PGM2L1: variants seen among roughly 807,000 people sequenced by gnomAD.
PGM2L1 encodes glucose 1,6-bisphosphate synthase.
In PGM2L1, 35 loss-of-function variants were observed where a neutral mutation model predicts 73.4. That is an observed-to-expected ratio of 0.48 (90% CI 0.36 to 0.63). The LOEUF is 0.63. Among genes scored for constraint, PGM2L1 ranks in the 30% least tolerant of loss-of-function variants. The probability of loss-of-function intolerance (pLI) is 0.00; values close to 1 mark genes in which losing one functional copy is unlikely to be tolerated. For synonymous variants in PGM2L1, 225 were observed against 253.8 expected, an observed-to-expected ratio of 0.89 and a Z score of 1.08; for missense variants, 570 against 742.0, an observed-to-expected ratio of 0.77 and a Z score of 2.69.
At chr11:74,341,705 A>G (rs1862185221) in intron 12 of PGM2L1, among the ~76,000 whole-genome samples, 1 of 151,772 alleles carries the variant, frequency 6.6e-6, no homozygotes, top group African/African-American at 2.4e-5. Flanking sequence ...GAAAAAAAAA[A>G]AAAAAAAAAA....
intron 5 of PGM2L1, among the ~76,000 whole-genome samples, chr11:74,356,065 T>A (rs648157): frequency 2.6e-5 from 4 of 151,984 alleles, no homozygotes; most frequent in African/African-American, 4.8e-5. Context: ...TTTTTTTTTT[T>A]AATGTGCTGT....
At chr11:74,386,596 C>T (rs1298783396) in intron 1 of PGM2L1, among the ~76,000 whole-genome samples, 1 of 152,064 alleles carries the variant, frequency 6.6e-6, no homozygotes, top group Non-Finnish European at 1.5e-5. Flanking sequence ...CCACCTAAGC[C>T]TCCCAAGTAG....
Position 74,335,383 on chromosome 11 carries a change from G to A in PGM2L1, c.*1269C>T, listed in dbSNP as rs898658877. The stretch of plus-strand genomic sequence containing the variant: ...GATCCACCTGCCTCAGCCTCCCAAA[G>A]TGCTGGGATTACAGGCGTGAGCCAC... On this transcript the variant is annotated 3_prime_UTR_variant, in exon 14 of 14. Transcript: ENST00000298198. 2.6e-5 allele frequency: 4 copies of A among 152,168 alleles called. No individual in the cohort carries two copies. The highest frequency in any genetic ancestry group is 5.9e-5 in the Non-Finnish European group (4 of 68,056). The allele number at this position is 152,168 out of a possible 1,614,324, so 9.4% of individuals were successfully genotyped here.
At chr11:74,349,959 A>G (rs1230766521) in intron 6 of PGM2L1, among the ~76,000 whole-genome samples, 1 of 152,184 alleles carries the variant, frequency 6.6e-6, no homozygotes, top group Non-Finnish European at 1.5e-5. Flanking sequence ...CACTAGAAAT[A>G]CATAGTCAAT....
chr11:74,365,848 A>C (rs546803124), intron 5 of PGM2L1, among the ~76,000 whole-genome samples: 1 of 152,266 alleles, frequency 6.6e-6, no homozygotes, highest in South Asian at 2.1e-4. Flanking sequence ...TTGACCCAGC[A>C]ATCCCATTAC....
At chr11:74,377,342 C>T (rs1318407485) in intron 1 of PGM2L1, among the ~76,000 whole-genome samples, 3 of 152,016 alleles carry the variant, frequency 2.0e-5, no homozygotes, top group Non-Finnish European at 2.9e-5. Flanking sequence ...ACCGTGTTAG[C>T]CAGGATGGTC....
At chr11:74,353,182 T>TTTG (rs1034197121) in intron 5 of PGM2L1, among the ~76,000 whole-genome samples, 11 of 151,698 alleles carry the variant, frequency 7.3e-5, no homozygotes, top group Admixed American at 2.6e-4. Context: ...GAATGTTTTT[T>TTTG]TGTGTGTGTG....
intron 5 of PGM2L1, among the ~76,000 whole-genome samples, chr11:74,358,943 C>T (rs987290440): frequency 6.6e-6 from 1 of 152,066 alleles, no homozygotes; most frequent in Non-Finnish European, 1.5e-5. Flanking sequence ...AAAAATCTAT[C>T]CTATAGATCA....
chr11:74,396,665 C>G (rs938689518), intron 1 of PGM2L1, among the ~76,000 whole-genome samples: 13 of 152,168 alleles, frequency 8.5e-5, no homozygotes, highest in African/African-American at 3.1e-4. Context: ...CCACCCGCCT[C>G]GGCCTCCCAA....
chr11:74,378,357 A>G (rs1056365844), intron 1 of PGM2L1, among the ~76,000 whole-genome samples: 2 of 152,186 alleles, frequency 1.3e-5, no homozygotes, highest in Admixed American at 1.3e-4. Context: ...ATTATATAAA[A>G]TGAAAATTAA....
chr11:74,331,104 G>A lies in PGM2L1; in HGVS notation c.*5548C>T, dbSNP rs1175993580. ...ATGGATATGAAAAATAATAAACCAC[G>A]ATTCCTACTCTCGGGACTGAGCATC... On this transcript the variant is annotated 3_prime_UTR_variant, in exon 14 of 14. Transcript: ENST00000298198. The A allele has an allele frequency of 2.6e-5, 4 of 152,068 alleles. No homozygotes were observed. Among genetic ancestry groups the A allele is most frequent in the Admixed American group, 2.0e-4 (3 of 15,274 alleles). 9.4% of individuals were successfully genotyped at this position (152,068 alleles called of 1,614,324 possible).
At chr11:74,341,381 T>C (rs2134881933) in intron 12 of PGM2L1, among the ~76,000 whole-genome samples, 1 of 152,184 alleles carries the variant, frequency 6.6e-6, no homozygotes, top group South Asian at 2.1e-4. Flanking sequence ...CAAGAATGAA[T>C]CAACAGAGTA....
chr11:74,394,821 G>A (rs1445546948), intron 1 of PGM2L1, among the ~76,000 whole-genome samples: 2 of 151,878 alleles, frequency 1.3e-5, no homozygotes, highest in South Asian at 2.1e-4. Context: ...AGTGACCAAC[G>A]CAAGTAGCAA....
intron 6 of PGM2L1, among the ~76,000 whole-genome samples, chr11:74,350,543 C>T (rs1436812340): frequency 6.6e-6 from 1 of 152,114 alleles, no homozygotes; most frequent in Non-Finnish European, 1.5e-5. Flanking sequence ...GTTGTTCAAC[C>T]ATGACTATGA....
intron 5 of PGM2L1, among the ~76,000 whole-genome samples, chr11:74,367,184 T>G (rs1862673516): frequency 6.6e-6 from 1 of 152,194 alleles, no homozygotes; most frequent in Admixed American, 6.5e-5. Context: ...AGGACCACTC[T>G]TAGGTGTATA....
At chr11:74,382,495 T>A (rs1862961602) in intron 1 of PGM2L1, among the ~76,000 whole-genome samples, 1 of 151,452 alleles carries the variant, frequency 6.6e-6, no homozygotes, top group African/African-American at 2.5e-5. Context: ...TTTACTATTT[T>A]TATTTTTATT....
At chr11:74,393,410 A>G (rs1863131537) in intron 1 of PGM2L1, among the ~76,000 whole-genome samples, 1 of 152,182 alleles carries the variant, frequency 6.6e-6, no homozygotes, top group Non-Finnish European at 1.5e-5. Flanking sequence ...CAGGTATGTC[A>G]TAGGTGTATT....
chr11:74,354,274 CCTAT>C (rs1408995410), intron 5 of PGM2L1, among the ~76,000 whole-genome samples: 4 of 152,098 alleles, frequency 2.6e-5, no homozygotes, highest in African/African-American at 9.7e-5. Context: ...AGAAAGCATT[CCTAT>C]CTGATATAGT....
chr11:74,378,297 G>A (rs760390573), intron 1 of PGM2L1, among the ~76,000 whole-genome samples: 7 of 151,088 alleles, frequency 4.6e-5, no homozygotes, highest in Non-Finnish European at 7.4e-5. Flanking sequence ...GTAAGACTCC[G>A]TCTCAATTAA....
Sources: gnomAD v4.1 joint callset for allele counts (sites outside exome capture counted in the v4.1 genomes callset) on GRCh38, gnomAD v4.1.1 for gene constraint, MANE v1.5 for transcripts, NCBI Gene and HGNC (gene_info 2026-07-23, HGNC 2026-07-21) for gene names.